The following AIG1 variants were observed in gnomAD, a reference collection of about 807,000 sequenced individuals.
The protein encoded by AIG1 is androgen induced 1.
AIG1 carries 23 observed loss-of-function variants against 31.4 expected under a neutral mutation model. The ratio of observed to expected loss-of-function variants is 0.73; its 90% CI spans 0.53 to 1.04. The LOEUF (loss-of-function observed/expected upper bound fraction) is 1.04, where lower values mean the gene tolerates loss of function less well. AIG1 is among the 50% of genes least tolerant of loss of function. The pLI is 0.00. For missense variants in AIG1, 274 were observed against 295.0 expected (o/e 0.93, Z 0.52); for synonymous variants, 100 against 110.5 (o/e 0.90, Z 0.60).
chr6:143,185,069 G>T (rs1190433498), intron 3 of AIG1, among the ~76,000 whole-genome samples: 2 of 151,980 alleles, frequency 1.3e-5, no homozygotes, highest in Non-Finnish European at 2.9e-5. Context: ...GGTGGTGCAC[G>T]CCTGTAGTCC....
At chr6:143,262,339 C>G (rs1440884384) in intron 3 of AIG1, among the ~76,000 whole-genome samples, 1 of 152,124 alleles carries the variant, frequency 6.6e-6, no homozygotes, top group Non-Finnish European at 1.5e-5. Context: ...AGGCTCCATC[C>G]GCAAGTAAGT....
At chr6:143,130,608 A>C (rs1223936725) in intron 1 of AIG1, among the ~76,000 whole-genome samples, 2 of 152,062 alleles carry the variant, frequency 1.3e-5, no homozygotes, top group Non-Finnish European at 2.9e-5. Context: ...AATCCTAGCT[A>C]CTGGGGAGGC....
chr6:143,226,802 A>G (rs1792996085), intron 3 of AIG1, among the ~76,000 whole-genome samples: 1 of 152,086 alleles, frequency 6.6e-6, no homozygotes, highest in Non-Finnish European at 1.5e-5. Context: ...GCTAATTCCC[A>G]TCCTCTCTCA....
intron 3 of AIG1, among the ~76,000 whole-genome samples, chr6:143,278,519 A>T (rs527337319): frequency 1.4e-5 from 2 of 142,774 alleles, no homozygotes; most frequent in African/African-American, 5.3e-5. Context: ...CCCAGGCTGC[A>T]GTGCGGTGGC....
rs759030529 is a variant in AIG1, at chr6:143,071,778, T to TTG, written c.141+10726_141+10727dup. The stretch of plus-strand genomic sequence containing the variant: ...TCTTCTCTTCTTTTTTTTTCTTTTC[T>TTG]TGTGTGTGTGTGTGTATGTGTGTGT... On this transcript the variant is annotated intron_variant, in intron 1 of 5. Coordinates refer to ENST00000357847, the MANE Select transcript of AIG1 (RefSeq NM_016108.4). 1.4e-3 allele frequency among the ~76,000 whole-genome samples: 209 copies of TTG among 150,184 alleles called. No homozygotes were observed. In the Middle Eastern group the frequency reaches 0.017, roughly 12 times the overall value.
intron 3 of AIG1, among the ~76,000 whole-genome samples, chr6:143,178,691 C>A (rs1788427256): frequency 6.6e-6 from 1 of 152,234 alleles, no homozygotes; most frequent in East Asian, 1.9e-4. Flanking sequence ...CCCCTAGACT[C>A]TCTGTTCAAC....
intron 1 of AIG1, among the ~76,000 whole-genome samples, chr6:143,121,962 T>A (rs1782279037): frequency 6.6e-6 from 1 of 152,232 alleles, no homozygotes; most frequent in African/African-American, 2.4e-5. Context: ...AGTTTAGTTT[T>A]GTTTATGGTA....
At chr6:143,201,192 C>T (rs1271674326) in intron 3 of AIG1, among the ~76,000 whole-genome samples, 1 of 151,968 alleles carries the variant, frequency 6.6e-6, no homozygotes, top group East Asian at 1.9e-4. Context: ...GTTTGTAGTC[C>T]TTAAAAAGAA....
intron 1 of AIG1, among the ~76,000 whole-genome samples, chr6:143,101,779 G>T (rs2128483818): frequency 6.6e-6 from 1 of 152,158 alleles, no homozygotes; most frequent in African/African-American, 2.4e-5. Flanking sequence ...GTAACGAAAT[G>T]CCACCTGTTC....
intron 4 of AIG1, among the ~76,000 whole-genome samples, chr6:143,332,763 T>A (rs1777181203): frequency 6.6e-6 from 1 of 152,200 alleles, no homozygotes; most frequent in Non-Finnish European, 1.5e-5. Context: ...TTCAAATACA[T>A]GACCAGATTG....
chr6:143,127,744 G>C (rs1032781935), intron 1 of AIG1, among the ~76,000 whole-genome samples: 2 of 152,052 alleles, frequency 1.3e-5, no homozygotes, highest in East Asian at 3.9e-4. Context: ...CTGGAGTGCA[G>C]TGGTACAATC....
At chr6:143,216,807 T>G (rs1792067262) in intron 3 of AIG1, among the ~76,000 whole-genome samples, 4 of 152,176 alleles carry the variant, frequency 2.6e-5, no homozygotes, top group Admixed American at 2.6e-4. Context: ...CCCAGCTGCG[T>G]GAGGACAGTG....
chr6:143,201,768 A>G (rs1320716150), intron 3 of AIG1, among the ~76,000 whole-genome samples: 1 of 152,212 alleles, frequency 6.6e-6, no homozygotes, highest in East Asian at 1.9e-4. Flanking sequence ...AGGTCTTGAG[A>G]AAATGAAATT....
intron 3 of AIG1, among the ~76,000 whole-genome samples, chr6:143,215,442 A>G (rs1791956741): frequency 6.6e-6 from 1 of 152,212 alleles, no homozygotes; most frequent in Non-Finnish European, 1.5e-5. Context: ...AACAAAAAAC[A>G]GTATTTTCCA....
rs1299692279 is a variant in AIG1 at position 143,328,710 on chromosome 6, CAGAT to C, written c.516-4569_516-4566del. Among the ~76,000 whole-genome samples the C allele has an allele frequency of 1.3e-5, 2 of 152,078 alleles. No homozygotes were observed. Among genetic ancestry groups the C allele is most frequent in the Non-Finnish European group, 2.9e-5 (2 of 68,020 alleles). The stretch of plus-strand genomic sequence containing the variant: ...TATCATTTGTGAGTAACAAAGCACT[CAGAT>C]AGGAGGCATGAATAAATGTTATTTT... On this transcript the variant is annotated intron_variant, in intron 4 of 5. Coordinates refer to ENST00000357847, the MANE Select transcript of AIG1 (RefSeq NM_016108.4). The surrounding 1 kb of genome is among the most constrained non-coding windows in gnomAD (Gnocchi z 4.0).
chr6:143,237,928 T>A (rs1476777238), intron 3 of AIG1, among the ~76,000 whole-genome samples: 4 of 152,090 alleles, frequency 2.6e-5, no homozygotes, highest in Non-Finnish European at 4.4e-5. Flanking sequence ...CAAAGACCCA[T>A]TTTATTTATT....
At chr6:143,231,427 G>A (rs949816985) in intron 3 of AIG1, among the ~76,000 whole-genome samples, 7 of 152,316 alleles carry the variant, frequency 4.6e-5, no homozygotes, top group Admixed American at 1.3e-4. Flanking sequence ...ACTTAGCTGG[G>A]AAAGCTTCCC....
chr6:143,060,690 C>T, upstream of AIG1: 1 of 448,436 alleles, frequency 2.2e-6, no homozygotes, highest in South Asian at 1.6e-5. Flanking sequence ...CCTGCCAGGC[C>T]GCGGCCGGCA....
intron 1 of AIG1, among the ~76,000 whole-genome samples, chr6:143,077,407 T>C (rs1777834978): frequency 6.6e-6 from 1 of 152,232 alleles, no homozygotes; most frequent in Admixed American, 6.5e-5. Flanking sequence ...CTCTTGGTTT[T>C]TCTTCATTGA....
Sources: allele counts gnomAD v4.1 joint callset (sites outside exome capture counted in the v4.1 genomes callset), GRCh38; gene constraint gnomAD v4.1.1; non-coding constraint Gnocchi (gnomAD v3.1); transcripts MANE v1.5; gene names NCBI Gene and HGNC (gene_info 2026-07-23, HGNC 2026-07-21).